Variants in NEK7 observed in about 807,000 individuals in gnomAD.
The protein encoded by NEK7 is NIMA related kinase 7, also known as serine/threonine-protein kinase Nek7.
A neutral mutation model predicts 44.6 loss-of-function variants in NEK7; 18 were observed. That is an observed-to-expected ratio of 0.40 (90% confidence interval 0.28 to 0.60). The LOEUF (loss-of-function observed/expected upper bound fraction) is 0.60, where lower values mean the gene tolerates loss of function less well. NEK7 is among the 20% of genes least tolerant of loss of function. The pLI is 0.38. For synonymous variants in NEK7, 130 were observed against 121.1 expected (o/e 1.07, Z -0.48); for missense variants, 256 against 366.5 (o/e 0.70, Z 2.46).
At chr1:198,284,362 C>T (rs1002008355) in intron 7 of NEK7, among the ~76,000 whole-genome samples, 1 of 152,116 alleles carries the variant, frequency 6.6e-6, no homozygotes, top group African/African-American at 2.4e-5. Context: ...GGCTTTGTTA[C>T]ATTGCTTAGG....
At chr1:198,302,353 CTTT>C (rs76569998) in intron 9 of NEK7, among the ~76,000 whole-genome samples, 6 of 139,186 alleles carry the variant, frequency 4.3e-5, no homozygotes, top group Non-Finnish European at 7.9e-5. Flanking sequence ...TGTCCCTCTC[CTTT>C]TTTTTTTTTT....
At chr1:198,161,862 A>G (rs938506728) in intron 1 of NEK7, among the ~76,000 whole-genome samples, 8 of 151,892 alleles carry the variant, frequency 5.3e-5, no homozygotes, top group African/African-American at 1.9e-4. Context: ...AAACTTACTC[A>G]TATGTTTCTT....
chr1:198,273,784 T>G lies in NEK7; in HGVS notation c.373-4177T>G, dbSNP rs139924622. 2.4e-3 allele frequency among the ~76,000 whole-genome samples: 357 copies of G among 151,904 alleles called. No individual in the cohort carries two copies. In the Middle Eastern group the frequency reaches 0.024, roughly 10 times the overall value. On this transcript the variant is annotated intron_variant, in intron 5 of 9. Transcript: ENST00000367385. Reference sequence around the variant, plus strand: ...TGAAGGATAAGGCATACCAAGAAACTATTATTTTTAAGTATGAAATGTGCC... The same window carrying G: ...TGAAGGATAAGGCATACCAAGAAACGATTATTTTTAAGTATGAAATGTGCC...
intron 7 of NEK7, among the ~76,000 whole-genome samples, chr1:198,288,656 A>G (rs1654454020): frequency 6.6e-6 from 1 of 152,150 alleles, no homozygotes; most frequent in African/African-American, 2.4e-5. Context: ...AATAATTGAA[A>G]CATCTTATAA....
chr1:198,187,992 A>T (rs1321391400), intron 1 of NEK7, among the ~76,000 whole-genome samples: 1 of 152,216 alleles, frequency 6.6e-6, no homozygotes, highest in Non-Finnish European at 1.5e-5. Flanking sequence ...GGTTTTAATC[A>T]GACTGCTTTG....
At chr1:198,204,647 G>A (rs1665536620) in intron 1 of NEK7, among the ~76,000 whole-genome samples, 2 of 150,810 alleles carry the variant, frequency 1.3e-5, no homozygotes, top group Admixed American at 6.6e-5. Context: ...TGAACCCAGG[G>A]GGCGGAGCCT....
At chr1:198,183,906 A>AT (rs912821832) in intron 1 of NEK7, among the ~76,000 whole-genome samples, 6 of 152,118 alleles carry the variant, frequency 3.9e-5, no homozygotes, top group Non-Finnish European at 7.4e-5. Flanking sequence ...TGTAAAAACA[A>AT]TTTTTTTTCT....
chr1:198,183,593 A>G (rs1335054091), intron 1 of NEK7, among the ~76,000 whole-genome samples: 1 of 152,158 alleles, frequency 6.6e-6, no homozygotes, highest in Non-Finnish European at 1.5e-5. Flanking sequence ...AATGTCCTAA[A>G]CATGTGTGTT....
chr1:198,274,578 T>G (rs1476858153), intron 5 of NEK7, among the ~76,000 whole-genome samples: 2 of 151,792 alleles, frequency 1.3e-5, no homozygotes, highest in African/African-American at 4.8e-5. Context: ...ATTTTCTATC[T>G]TTCTCTGTTG....
chr1:198,262,720 G>A, intron 4 of NEK7, 83 bp downstream of exon 4: 1 of 767,430 alleles, frequency 1.3e-6, no homozygotes, highest in Non-Finnish European at 2.1e-6. Context: ...AACACAAAAA[G>A]GTTTTTAAGA....
chr1:198,174,251 A>G (rs1664534715), intron 1 of NEK7, among the ~76,000 whole-genome samples: 1 of 152,210 alleles, frequency 6.6e-6, no homozygotes, highest in East Asian at 1.9e-4. Context: ...ACATCTTGTT[A>G]TTAAGTACAA....
At chr1:198,198,403 T>C (rs767780593) in intron 1 of NEK7, among the ~76,000 whole-genome samples, 1 of 152,138 alleles carries the variant, frequency 6.6e-6, no homozygotes, top group Non-Finnish European at 1.5e-5. Flanking sequence ...GGGACCTGTG[T>C]ATCCTATGAG....
At chr1:198,292,321 C>T (rs559044529) in intron 7 of NEK7, among the ~76,000 whole-genome samples, 28 of 151,884 alleles carry the variant, frequency 1.8e-4, no homozygotes, top group Non-Finnish European at 3.7e-4. Flanking sequence ...CTAAAAAGGT[C>T]TCAGTAGTAA....
At chr1:198,233,685 A>G (rs1486446670) in intron 2 of NEK7, among the ~76,000 whole-genome samples, 2 of 151,408 alleles carry the variant, frequency 1.3e-5, no homozygotes, top group Non-Finnish European at 2.9e-5. Flanking sequence ...TGCATTGTGA[A>G]TGAATTTCAA....
chr1:198,232,667 C>CTATATTTAACACAGAT, intron 2 of NEK7, 30 bp downstream of exon 2: 2 of 1,326,600 alleles, frequency 1.5e-6, no homozygotes, highest in Non-Finnish European at 2.2e-6. Context: ...ATGGGCAGAA[C>CTATATTTAACACAGAT]TATATATAAT....
intron 1 of NEK7, among the ~76,000 whole-genome samples, chr1:198,212,932 G>C (rs1362208480): frequency 6.6e-6 from 1 of 152,198 alleles, no homozygotes; most frequent in Non-Finnish European, 1.5e-5. Flanking sequence ...AGGAGATCTT[G>C]AGTCTCTTCA....
intron 2 of NEK7, among the ~76,000 whole-genome samples, chr1:198,246,511 A>G (rs575811762): frequency 2.9e-4 from 44 of 152,346 alleles, no homozygotes; most frequent in African/African-American, 6.5e-4. Context: ...TCATCCCTCA[A>G]CTGCCAAAAA....
At chr1:198,248,975 G>C (rs957781063) in intron 2 of NEK7, among the ~76,000 whole-genome samples, 1 of 151,354 alleles carries the variant, frequency 6.6e-6, no homozygotes, top group Admixed American at 6.6e-5. Context: ...GTGCCATGCT[G>C]GTGTGCTGCA....
chr1:198,220,844 T>C (rs1176546812), intron 1 of NEK7: 2 of 152,124 alleles, frequency 1.3e-5, no homozygotes, highest in Non-Finnish European at 2.9e-5. Flanking sequence ...GCTACTTAAA[T>C]ATGATTGATC....
Sources: gnomAD v4.1 joint callset for allele counts (sites outside exome capture counted in the v4.1 genomes callset) on GRCh38, gnomAD v4.1.1 for gene constraint, MANE v1.5 for transcripts, NCBI Gene and HGNC (gene_info 2026-07-23, HGNC 2026-07-21) for gene names.